Variants in SLC16A12 observed in about 807,000 individuals in gnomAD.
SLC16A12 encodes solute carrier family 16 member 12, also known as monocarboxylate transporter 12.
In SLC16A12, 17 loss-of-function variants were observed where a neutral mutation model predicts 42.4. The observed-to-expected ratio is 0.40, with a 90% CI of 0.27 to 0.60. The LOEUF (loss-of-function observed/expected upper bound fraction) is 0.60, where lower values mean the gene tolerates loss of function less well. Ranked by LOEUF, SLC16A12 falls within the 20% of genes least tolerant of loss-of-function variation. SLC16A12 has a pLI of 0.42. For synonymous variants in SLC16A12, 224 were observed against 229.4 expected (o/e 0.98, Z 0.21); for missense variants, 544 against 623.0 (o/e 0.87, Z 1.35).
chr10:89,539,124 C>T (rs554443081), upstream of SLC16A12, among the ~76,000 whole-genome samples: 1 of 152,300 alleles, frequency 6.6e-6, no homozygotes, highest in African/African-American at 2.4e-5. Context: ...TGCAAGTCTT[C>T]GTTGTAGTGG....
At chr10:89,497,471 G>A (rs969806214) in intron 2 of SLC16A12, among the ~76,000 whole-genome samples, 11 of 152,074 alleles carry the variant, frequency 7.2e-5, no homozygotes, top group Non-Finnish European at 2.9e-5. Context: ...TCAAAGACCA[G>A]GTCTTTTCAA....
chr10:89,552,066 G>T (rs1843774136), intron 2 of SLC16A12, among the ~76,000 whole-genome samples: 1 of 152,136 alleles, frequency 6.6e-6, no homozygotes, highest in African/African-American at 2.4e-5. Flanking sequence ...CTCCTGAGTA[G>T]CTAGGACTAC....
Position 89,535,486 on chromosome 10 carries a change from GA to G in SLC16A12, c.-232del, listed in dbSNP as rs1564603216. ...GCACAACCGTGTCAGGGAGAGGGAAGAGGGGGAGCCGAGGAAGCTTCTTGGC... is the reference window on the plus strand; with the variant it reads ...GCACAACCGTGTCAGGGAGAGGGAAGGGGGGAGCCGAGGAAGCTTCTTGGC... On this transcript the variant is annotated 5_prime_UTR_variant, in exon 1 of 8. Coordinates refer to ENST00000371790, the MANE Select transcript of SLC16A12 (RefSeq NM_213606.4). 1 of 152,728 alleles carries G rather than the reference GA, an allele frequency of 6.5e-6. No individual in the cohort carries two copies. Among genetic ancestry groups the G allele is most frequent in the African/African-American group, 2.4e-5 (1 of 41,460 alleles). 9.5% of individuals were successfully genotyped at this position (152,728 alleles called of 1,614,324 possible). A position where few individuals can be genotyped will look rare whatever the true frequency, so the allele number is the denominator to read the frequency against.
chr10:89,495,178 C>T (rs1277240227), intron 2 of SLC16A12, among the ~76,000 whole-genome samples: 1 of 152,060 alleles, frequency 6.6e-6, no homozygotes, highest in African/African-American at 2.4e-5. Flanking sequence ...TATAGTGAAA[C>T]CCCGTCTCTA....
intron 2 of SLC16A12, among the ~76,000 whole-genome samples, chr10:89,496,283 A>C (rs1842920945): frequency 6.6e-6 from 1 of 152,134 alleles, no homozygotes; most frequent in Non-Finnish European, 1.5e-5. Context: ...AAATAAAACA[A>C]GAAGAGGAGG....
intron 3 of SLC16A12, among the ~76,000 whole-genome samples, chr10:89,460,951 T>C (rs1214330875): frequency 6.6e-6 from 1 of 152,170 alleles, no homozygotes; most frequent in Non-Finnish European, 1.5e-5. Context: ...GTAGCAAAGA[T>C]AAACATCTTA....
intron 2 of SLC16A12, among the ~76,000 whole-genome samples, chr10:89,528,624 T>A (rs954162289): frequency 1.3e-5 from 2 of 152,150 alleles, no homozygotes; most frequent in African/African-American, 4.8e-5. Flanking sequence ...ACACAAAAAA[T>A]TTCCATTATA....
In SLC16A12 at chr10:89,451,766, G is replaced by A. The variant is rs138701267; in HGVS notation, c.201-7907C>T. On this transcript the variant is annotated intron_variant, in intron 3 of 7. Transcript: ENST00000371790. ...ACAATGGAGACTTCATGTGAGTGGC[G>A]GAGATACGTGCAATATGTGTTTCTG... Among the ~76,000 whole-genome samples the A allele has an allele frequency of 5.6e-3, 850 of 152,240 alleles. 3 individuals are homozygous for A. Among genetic ancestry groups the A allele is most frequent in the African/African-American group, 0.019 (803 of 41,538 alleles).
intron 2 of SLC16A12, among the ~76,000 whole-genome samples, chr10:89,492,156 TACAA>T (rs971658372): frequency 1.1e-4 from 16 of 152,214 alleles, no homozygotes; most frequent in African/African-American, 3.6e-4. Context: ...TCATTTGTTT[TACAA>T]ACAAACAAAA....
intron 2 of SLC16A12, among the ~76,000 whole-genome samples, chr10:89,506,407 C>A (rs981659554): frequency 6.6e-6 from 1 of 152,168 alleles, no homozygotes; most frequent in Non-Finnish European, 1.5e-5. Flanking sequence ...GTTCCGCAGC[C>A]TCCGCTGGTG....
At chr10:89,513,875 G>A (rs1314675047) in intron 2 of SLC16A12, among the ~76,000 whole-genome samples, 1 of 152,140 alleles carries the variant, frequency 6.6e-6, no homozygotes, top group Non-Finnish European at 1.5e-5. Flanking sequence ...AAGAAGGAGA[G>A]GCATATATGG....
At chr10:89,550,704 T>C (rs1843765721) in intron 2 of SLC16A12, among the ~76,000 whole-genome samples, 1 of 151,794 alleles carries the variant, frequency 6.6e-6, no homozygotes, top group Non-Finnish European at 1.5e-5. Flanking sequence ...TATCTCGCTA[T>C]ACTTAGCTAT....
At chr10:89,478,453 G>A (rs1431547006) in intron 2 of SLC16A12, among the ~76,000 whole-genome samples, 1 of 152,168 alleles carries the variant, frequency 6.6e-6, no homozygotes, top group Non-Finnish European at 1.5e-5. Flanking sequence ...AGTGTGATCC[G>A]TAAGCTTGCC....
intron 2 of SLC16A12, among the ~76,000 whole-genome samples, chr10:89,471,146 G>A (rs1842487895): frequency 6.6e-6 from 1 of 152,140 alleles, no homozygotes; most frequent in Admixed American, 6.5e-5. Context: ...CCCATTTTAA[G>A]CCTACATTTC....
At chr10:89,443,323 T>C (rs575497479) in intron 4 of SLC16A12, among the ~76,000 whole-genome samples, 2 of 152,230 alleles carry the variant, frequency 1.3e-5, no homozygotes, top group South Asian at 2.1e-4. Context: ...TACAACACTG[T>C]TGGCACTTAT....
At chr10:89,535,669 C>T (rs972770614), upstream of SLC16A12, 2 of 152,216 alleles carry the variant, frequency 1.3e-5, no homozygotes, top group African/African-American at 4.8e-5. Flanking sequence ...CAGCCCGGCC[C>T]CGCCGCCTCC....
chr10:89,472,761 A>T (rs1306176952), intron 2 of SLC16A12, among the ~76,000 whole-genome samples: 2 of 151,478 alleles, frequency 1.3e-5, no homozygotes, highest in Non-Finnish European at 2.9e-5. Flanking sequence ...CCAGAGTGCT[A>T]GGATTACAGG....
rs548266700 is a variant in SLC16A12 at position 89,459,315 on chromosome 10, T to A, written c.200+3064A>T. 2.4e-3 allele frequency among the ~76,000 whole-genome samples: 323 copies of A among 133,442 alleles called. 4 individuals carry two copies. Among genetic ancestry groups the A allele is most frequent in the African/African-American group, 0.01 (300 of 29,950 alleles). The allele number at this position is 133,442 out of a possible 152,430, so 87.5% of individuals were successfully genotyped here. On this transcript the variant is annotated intron_variant, in intron 3 of 7. Transcript: ENST00000371790. Reference sequence around the variant, plus strand: ...GACTCCCATAACCAAGGCAGTTTTTTTAAAAAAAAAAACCCATGTCTTATA... The same window carrying A: ...GACTCCCATAACCAAGGCAGTTTTTATAAAAAAAAAAACCCATGTCTTATA...
At chr10:89,493,069 T>C (rs1016815530) in intron 2 of SLC16A12, among the ~76,000 whole-genome samples, 1 of 152,160 alleles carries the variant, frequency 6.6e-6, no homozygotes, top group Non-Finnish European at 1.5e-5. Context: ...GAGCTGCAGG[T>C]GGCCATTTTT....
Sources: gnomAD v4.1 joint callset for allele counts (sites outside exome capture counted in the v4.1 genomes callset) on GRCh38, gnomAD v4.1.1 for gene constraint, MANE v1.5 for transcripts, NCBI Gene and HGNC (gene_info 2026-07-23, HGNC 2026-07-21) for gene names.